CLK4: variants seen among roughly 807,000 people sequenced by gnomAD.
CLK4 encodes CDC like kinase 4.
In CLK4, 37 loss-of-function variants were observed where a neutral mutation model predicts 64.4. That is an observed-to-expected ratio of 0.57 (90% CI 0.44 to 0.76). CLK4 has a LOEUF of 0.76. Ranked by LOEUF, CLK4 falls within the 30% of genes least tolerant of loss-of-function variation. The pLI, the probability that CLK4 is intolerant of heterozygous loss-of-function variation, is 0.00. For missense variants in CLK4, 457 were observed against 605.1 expected (o/e 0.76, Z 2.57); for synonymous variants, 175 against 191.6 (o/e 0.91, Z 0.72).
intron 9 of CLK4, among the ~76,000 whole-genome samples, chr5:178,608,941 A>G (rs1764504679): frequency 6.6e-6 from 1 of 152,218 alleles, no homozygotes; most frequent in Non-Finnish European, 1.5e-5. Context: ...CGTTAAGAGA[A>G]ATATTACCGT....
At chr5:178,606,448 C>A (rs1373931368) in intron 10 of CLK4, among the ~76,000 whole-genome samples, 1 of 152,092 alleles carries the variant, frequency 6.6e-6, no homozygotes, top group Non-Finnish European at 1.5e-5. Flanking sequence ...TGGCGAGGTG[C>A]CCCACGAACA....
At chr5:178,605,231 C>A in intron 11 of CLK4, 72 bp downstream of exon 11, 1 of 868,156 alleles carries the variant, frequency 1.2e-6, no homozygotes, top group Non-Finnish European at 1.7e-6. Flanking sequence ...ATTACAACAA[C>A]GTTGGGTTTT....
At chr5:178,620,715 G>C (rs1484813725) in intron 2 of CLK4, 3 of 347,316 alleles carry the variant, frequency 8.6e-6, no homozygotes, top group East Asian at 1.5e-4. Context: ...CAAAGTCCCT[G>C]CCAACAAATA....
At chr5:178,614,841 T>C (rs529138068) in intron 5 of CLK4, among the ~76,000 whole-genome samples, 144 of 152,338 alleles carry the variant, frequency 9.5e-4, no homozygotes, top group Admixed American at 2.7e-3. Context: ...ACCTCAAGAC[T>C]TAAAAGAACT....
intron 7 of CLK4, 71 bp from the exon 8 acceptor site, chr5:178,612,961 C>T: frequency 2.6e-6 from 2 of 771,938 alleles, no homozygotes; most frequent in South Asian, 3.3e-5. Flanking sequence ...GAAAGGAGGA[C>T]TGGCAAAGGA....
At chr5:178,614,934 G>A (rs1205578598) in intron 5 of CLK4, among the ~76,000 whole-genome samples, 3 of 151,928 alleles carry the variant, frequency 2.0e-5, no homozygotes, top group East Asian at 1.9e-4. Flanking sequence ...TTGTATCCAC[G>A]AAAATGAAAA....
rs1406127161 is a variant in CLK4, at chr5:178,613,756, G to A, written c.630C>T (p.His210=). ...AARSEIQVLE[H]LNSTDPNSVF... The stretch of plus-strand genomic sequence containing the variant: ...CACTATTGGGATCAGTACTATTTAA[G>A]TGCTCTAATACTTGGATTTCTGAAC... The change falls in exon 6 of 13, where the codon CAC becomes CAT. Residue 210 remains histidine (H), a synonymous_variant. Transcript: ENST00000316308. 9 of 1,613,840 alleles carry A rather than the reference G, an allele frequency of 5.6e-6. No homozygotes were observed. The African/African-American group carries it at 6.7e-5, about 12-fold the overall frequency.
At chr5:178,610,469 C>T (rs773867540) in intron 9 of CLK4, among the ~76,000 whole-genome samples, 1 of 151,984 alleles carries the variant, frequency 6.6e-6, no homozygotes, top group Admixed American at 6.6e-5. Context: ...CTACATTTTC[C>T]CCTCCAATTG....
At chr5:178,619,802 G>A in intron 2 of CLK4, 1 of 1,289,356 alleles carries the variant, frequency 7.8e-7, no homozygotes, top group Non-Finnish European at 1.0e-6. Flanking sequence ...AAAGGACATA[G>A]ATTCAATTGG....
rs1379988454 is a variant in CLK4, at chr5:178,617,904, T to G, written c.385-470A>C. On this transcript the variant is annotated intron_variant, in intron 3 of 12. Transcript: ENST00000316308. This position sits in a 1 kb window ranked among gnomAD's most constrained non-coding sequence, Gnocchi z 5.2. Reference sequence around the variant, plus strand: ...ACATGATTAAAATAAAAGGGGAAAATAAAGGCTAGTTAATTTCAATGTTCA... The same window carrying G: ...ACATGATTAAAATAAAAGGGGAAAAGAAAGGCTAGTTAATTTCAATGTTCA... The G allele has an allele frequency of 6.6e-6, 1 of 151,960 alleles. No individual in the cohort carries two copies. The highest frequency in any genetic ancestry group is 1.9e-4 in the East Asian group (1 of 5,198). 9.4% of individuals were successfully genotyped at this position (151,960 alleles called of 1,614,324 possible). A position where few individuals can be genotyped will look rare whatever the true frequency, so the allele number is the denominator to read the frequency against.
intron 10 of CLK4, among the ~76,000 whole-genome samples, chr5:178,606,469 C>T (rs1426643701): frequency 6.6e-6 from 1 of 152,166 alleles, no homozygotes; most frequent in Non-Finnish European, 1.5e-5. Flanking sequence ...GGGAATTCAT[C>T]ATTGTGCAAC....
chr5:178,625,048 C>T (rs1028932228), intron 1 of CLK4, among the ~76,000 whole-genome samples: 5 of 150,740 alleles, frequency 3.3e-5, no homozygotes, highest in African/African-American at 9.7e-5. Flanking sequence ...CTCTTGTTAG[C>T]GTCTCAATGG....
chr5:178,609,753 AT>A (rs1298839973), intron 9 of CLK4, among the ~76,000 whole-genome samples: 13 of 148,500 alleles, frequency 8.8e-5, no homozygotes, highest in Admixed American at 2.0e-4. Flanking sequence ...ATATATATAT[AT>A]ATAAATTAGT....
At chr5:178,614,588 G>C (rs1250100393) in intron 5 of CLK4, among the ~76,000 whole-genome samples, 2 of 152,328 alleles carry the variant, frequency 1.3e-5, no homozygotes, top group South Asian at 4.1e-4. Flanking sequence ...AGATGAGCCA[G>C]CATTCAAGCC....
intron 10 of CLK4, among the ~76,000 whole-genome samples, chr5:178,606,222 A>G (rs1403081914): frequency 6.6e-6 from 1 of 152,220 alleles, no homozygotes; most frequent in African/African-American, 2.4e-5. Flanking sequence ...GTGATTTATA[A>G]TCACAAAATC....
intron 9 of CLK4, among the ~76,000 whole-genome samples, chr5:178,611,377 A>C (rs546074610): frequency 1.3e-5 from 2 of 152,300 alleles, no homozygotes; most frequent in South Asian, 4.1e-4. Flanking sequence ...GTGCTTGTTC[A>C]ATATGGTAAC....
chr5:178,623,836 T>C (rs1293769630), intron 1 of CLK4, among the ~76,000 whole-genome samples: 1 of 152,208 alleles, frequency 6.6e-6, no homozygotes. Flanking sequence ...TTATCTTATT[T>C]TGTTACTTTC....
chr5:178,618,672 GATA>G lies in CLK4; in HGVS notation c.265_267del (p.Tyr89del), dbSNP rs748714912. The G allele has an allele frequency of 3.7e-6, 6 of 1,613,740 alleles. No homozygotes were observed. The East Asian group carries it at 8.9e-5, about 24-fold the overall frequency. On this transcript the variant is annotated inframe_deletion, in exon 3 of 13. Transcript: ENST00000316308. ...CGATACCCGCTTTCAATGTCTCTGT[GATA>G]ATGTCTAGGAACATATCCTTCACAG...
chr5:178,611,277 G>T (rs1581706344), intron 9 of CLK4, among the ~76,000 whole-genome samples: 2 of 152,108 alleles, frequency 1.3e-5, no homozygotes, highest in South Asian at 4.1e-4. Context: ...TTCCCATATT[G>T]CTTTCTTTTA....
Sources: gnomAD v4.1 joint callset for allele counts (sites outside exome capture counted in the v4.1 genomes callset) on GRCh38, gnomAD v4.1.1 for gene constraint, Gnocchi (gnomAD v3.1) non-coding constraint, MANE v1.5 for transcripts, NCBI Gene and HGNC (gene_info 2026-07-23, HGNC 2026-07-21) for gene names.